The following SOX6 variants were observed in gnomAD, a reference collection of about 807,000 sequenced individuals.
SOX6 encodes SRY-box transcription factor 6.
Under a neutral mutation model 97.8 loss-of-function variants are expected in SOX6, and 11 were observed. That is an observed-to-expected ratio of 0.11 (90% confidence interval 0.07 to 0.19). SOX6 has a LOEUF of 0.19. Among genes scored for constraint, SOX6 ranks in the 10% least tolerant of loss-of-function variants. The pLI is 1.00. For synonymous variants in SOX6, 360 were observed against 371.4 expected, an observed-to-expected ratio of 0.97 and a Z score of 0.35; for missense variants, 810 against 1,039.5, an observed-to-expected ratio of 0.78 and a Z score of 3.04.
intron 3 of SOX6, among the ~76,000 whole-genome samples, chr11:16,639,260 T>C (rs985258397): frequency 6.6e-6 from 1 of 152,212 alleles, no homozygotes; most frequent in African/African-American, 2.4e-5. Flanking sequence ...CTCTGTTCTG[T>C]TCCATTGGTA....
chr11:16,439,972 G>T (rs1002775179), intron 1 of SOX6, among the ~76,000 whole-genome samples: 1 of 151,560 alleles, frequency 6.6e-6, no homozygotes, highest in Non-Finnish European at 1.5e-5. Flanking sequence ...ACTATCTATT[G>T]CACACTTTAA....
At chr11:16,355,424 A>C (rs1590152952) in intron 1 of SOX6, among the ~76,000 whole-genome samples, 1 of 152,082 alleles carries the variant, frequency 6.6e-6, no homozygotes. Context: ...CCAATCATCA[A>C]TTTAATTTAC....
intron 3 of SOX6, among the ~76,000 whole-genome samples, chr11:16,269,701 C>T (rs773821625): frequency 1.3e-4 from 20 of 151,022 alleles, no homozygotes; most frequent in Middle Eastern, 3.4e-3. Flanking sequence ...TTTGTTGCTA[C>T]GGCAAATGGT....
intron 4 of SOX6, among the ~76,000 whole-genome samples, chr11:16,571,180 T>C (rs1483792671): frequency 6.6e-6 from 1 of 152,174 alleles, no homozygotes; most frequent in Non-Finnish European, 1.5e-5. Flanking sequence ...AAACAAAAAT[T>C]TTCAAAGGTG....
intron 3 of SOX6, among the ~76,000 whole-genome samples, chr11:16,640,877 A>AT (rs758090799): frequency 1.6e-4 from 24 of 152,120 alleles, no homozygotes; most frequent in Admixed American, 2.6e-4. Context: ...GGATTCATTG[A>AT]TTTTTTAAGG....
At chr11:16,730,487 G>C (rs1476734438) in intron 2 of SOX6, among the ~76,000 whole-genome samples, 1 of 152,126 alleles carries the variant, frequency 6.6e-6, no homozygotes, top group African/African-American at 2.4e-5. Context: ...ACCTGCTCCT[G>C]AATGACTACT....
chr11:16,153,326 GA>G (rs1850508547), intron 6 of SOX6, among the ~76,000 whole-genome samples: 1 of 152,066 alleles, frequency 6.6e-6, no homozygotes, highest in South Asian at 2.1e-4. Flanking sequence ...CTTTTTTAAG[GA>G]AAAAAAGTCA....
intron 3 of SOX6, among the ~76,000 whole-genome samples, chr11:16,305,275 A>G (rs2134280195): frequency 6.6e-6 from 1 of 152,370 alleles, no homozygotes; most frequent in South Asian, 2.1e-4. Context: ...TTTTACCTAC[A>G]AGGATACATA....
In SOX6 at chr11:16,217,710, G is replaced by A. The variant is rs936901804; in HGVS notation, c.535+16872C>T. Among the ~76,000 whole-genome samples, 2 of 152,070 alleles carry A rather than the reference G, an allele frequency of 1.3e-5. 1 individual carries two copies. Among genetic ancestry groups the A allele is most frequent in the Admixed American group, 1.3e-4 (2 of 15,246 alleles). ...TATTTGAAGAGTATAGTCAAAGACA[G>A]GAGCCATGTGCATATGTACAGTTTC... On this transcript the variant is annotated intron_variant, in intron 4 of 15. Transcript: ENST00000683767.
At chr11:16,065,910 A>T (rs1016825318) in intron 9 of SOX6, among the ~76,000 whole-genome samples, 2 of 152,164 alleles carry the variant, frequency 1.3e-5, no homozygotes, top group Non-Finnish European at 2.9e-5. Context: ...AAAATGGACA[A>T]ATAGAATCAA....
At chr11:16,079,225 G>A (rs1455315168) in intron 9 of SOX6, among the ~76,000 whole-genome samples, 1 of 152,104 alleles carries the variant, frequency 6.6e-6, no homozygotes, top group African/African-American at 2.4e-5. Flanking sequence ...CATCCATAAT[G>A]AAGCTTCCAA....
intron 6 of SOX6, among the ~76,000 whole-genome samples, chr11:16,115,580 C>A (rs369260470): frequency 6.6e-6 from 1 of 152,156 alleles, no homozygotes; most frequent in East Asian, 1.9e-4. Context: ...TTGAGAATCA[C>A]TAATCTAATC....
Position 15,967,975 on chromosome 11 carries a change from C to T in SOX6, c.*4834G>A, listed in dbSNP as rs979562342. 2.6e-5 allele frequency: 4 copies of T among 151,006 alleles called. No homozygotes were observed. The highest frequency in any genetic ancestry group is 1.3e-4 in the Admixed American group (2 of 15,172). The allele number at this position is 151,006 out of a possible 1,614,324, so 9.4% of individuals were successfully genotyped here. On this transcript the variant is annotated 3_prime_UTR_variant, in exon 16 of 16. Coordinates refer to ENST00000683767, the MANE Select transcript of SOX6 (RefSeq NM_001367873.1). ...GAGCTTTTGGAAAGCAATCTGTCCC[C>T]AAAGGGAAAGATAGAATGGGGATGA...
At chr11:16,348,223 T>G (rs2134352577) in intron 1 of SOX6, among the ~76,000 whole-genome samples, 1 of 152,212 alleles carries the variant, frequency 6.6e-6, no homozygotes, top group South Asian at 2.1e-4. Context: ...ATCAAAGCAG[T>G]TAAATATAGG....
intron 4 of SOX6, among the ~76,000 whole-genome samples, chr11:16,600,580 T>A (rs1258490408): frequency 6.6e-6 from 1 of 152,174 alleles, no homozygotes; most frequent in East Asian, 1.9e-4. Context: ...TTTTACACCC[T>A]CCACCCACTT....
intron 3 of SOX6, among the ~76,000 whole-genome samples, chr11:16,615,650 TC>T (rs1370556623): frequency 1.3e-5 from 2 of 152,322 alleles, no homozygotes; most frequent in Non-Finnish European, 2.9e-5. Context: ...CATTGTAAAC[TC>T]CTACCAATTT....
chr11:16,289,490 A>C (rs1854847263), intron 3 of SOX6, among the ~76,000 whole-genome samples: 1 of 152,014 alleles, frequency 6.6e-6, no homozygotes, highest in African/African-American at 2.4e-5. Flanking sequence ...CTTTCTAATC[A>C]AGAGTCAGAT....
intron 4 of SOX6, among the ~76,000 whole-genome samples, chr11:16,578,477 T>C (rs1309643605): frequency 6.6e-6 from 1 of 152,126 alleles, no homozygotes; most frequent in Non-Finnish European, 1.5e-5. Context: ...TCCTCCTTTA[T>C]AAAGTGAAAA....
intron 4 of SOX6, among the ~76,000 whole-genome samples, chr11:16,598,922 G>A (rs1003138358): frequency 6.6e-6 from 1 of 151,996 alleles, no homozygotes; most frequent in East Asian, 1.9e-4. Flanking sequence ...TCATTTCAAG[G>A]GTTATCGTGG....
Sources: allele counts gnomAD v4.1 joint callset (sites outside exome capture counted in the v4.1 genomes callset), GRCh38; gene constraint gnomAD v4.1.1; transcripts MANE v1.5; gene names NCBI Gene and HGNC (gene_info 2026-07-23, HGNC 2026-07-21).